The following IRAG1 variants were observed in gnomAD, a reference collection of about 807,000 sequenced individuals.
IRAG1 encodes the protein inositol 1,4,5-triphosphate receptor associated 1, also known as IP3R-associated cGMP kinase substrate.
IRAG1 carries 62 observed loss-of-function variants against 106.2 expected under a neutral mutation model. The ratio of observed to expected loss-of-function variants is 0.58; its 90% CI spans 0.48 to 0.72. The LOEUF is 0.72. Ranked by LOEUF, IRAG1 falls within the 30% of genes least tolerant of loss-of-function variation. The pLI is 0.00. For synonymous variants in IRAG1, 462 were observed against 443.9 expected, an observed-to-expected ratio of 1.04 and a Z score of -0.51; for missense variants, 1,064 against 1,140.7, an observed-to-expected ratio of 0.93 and a Z score of 0.97.
At position 10,627,913 on chromosome 11, in the gene IRAG1, G is replaced by C. The variant is rs989835195; in HGVS notation, c.705+60C>G. The C allele has an allele frequency of 8.3e-6, 13 of 1,575,650 alleles. No individual in the cohort carries two copies. The African/African-American group carries it at 1.1e-4, about 13-fold the overall frequency. ...GGTCACGAAGGGCCTCCTGGTGTTC[G>C]GGGTAAGGGGAGAGACCCATTGGCA... On this transcript the variant is annotated intron_variant, in intron 7 of 20. Transcript: ENST00000423302.
At chr11:10,680,673 C>T (rs372927722) in intron 1 of IRAG1, among the ~76,000 whole-genome samples, 6 of 152,018 alleles carry the variant, frequency 3.9e-5, no homozygotes, top group African/African-American at 7.3e-5. Context: ...CTGGGCTGCC[C>T]GGGTTCATAT....
At chr11:10,604,802 T>C (rs1485187495) in intron 12 of IRAG1, among the ~76,000 whole-genome samples, 3 of 152,200 alleles carry the variant, frequency 2.0e-5, no homozygotes, top group Non-Finnish European at 4.4e-5. Flanking sequence ...AAGAAGAGAA[T>C]AACACTTTGC....
chr11:10,575,000 G>T lies in IRAG1; in HGVS notation c.*1332C>A, dbSNP rs1850746504. ...TGAATTCATACCTATGTAATACTGA[G>T]AACAGTGCTTGGCTCATAGTAAGTC... On this transcript the variant is annotated 3_prime_UTR_variant, in exon 21 of 21. Coordinates refer to ENST00000423302, the MANE Select transcript of IRAG1 (RefSeq NM_130385.4). The T allele has an allele frequency of 6.6e-6, 1 of 151,946 alleles. No homozygotes were observed. The highest frequency in any genetic ancestry group is 1.5e-5 in the Non-Finnish European group (1 of 68,016). 9.4% of individuals were successfully genotyped at this position (151,946 alleles called of 1,614,324 possible). A position where few individuals can be genotyped will look rare whatever the true frequency, so the allele number is the denominator to read the frequency against.
At chr11:10,626,681 G>T in intron 8 of IRAG1, 98 bp from the exon 9 acceptor site, 2 of 1,358,136 alleles carry the variant, frequency 1.5e-6, no homozygotes, top group Non-Finnish European at 2.0e-6. Flanking sequence ...CACACACCTT[G>T]CCAAGGGGCC....
chr11:10,602,918 A>G (rs1854155042), intron 14 of IRAG1, among the ~76,000 whole-genome samples: 6 of 152,224 alleles, frequency 3.9e-5, no homozygotes. Context: ...GTGCGTCCAC[A>G]GAAACCTTTT....
intron 10 of IRAG1, among the ~76,000 whole-genome samples, chr11:10,615,814 AG>A (rs1225764023): frequency 2.0e-5 from 3 of 151,950 alleles, no homozygotes; most frequent in Non-Finnish European, 4.4e-5. Flanking sequence ...GGATAGCATT[AG>A]CAGATATACC....
chr11:10,685,048 C>T (rs939705686), intron 1 of IRAG1, among the ~76,000 whole-genome samples: 1 of 152,178 alleles, frequency 6.6e-6, no homozygotes. Flanking sequence ...GTGACCCACC[C>T]CTCAGAACTT....
rs980601338 is a variant in IRAG1 at position 10,659,371 on chromosome 11, T to C, written c.68-7189A>G. Among the ~76,000 whole-genome samples the C allele has an allele frequency of 6.6e-6, 1 of 152,058 alleles. No individual in the cohort carries two copies. The highest frequency in any genetic ancestry group is 1.5e-5 in the Non-Finnish European group (1 of 67,976). ...GGGAATTGTGCAGGAGCAGGAATGG[T>C]GAAGGGCGGAGATGCAGGGAGAAAG... On this transcript the variant is annotated intron_variant, in intron 1 of 20. Coordinates refer to ENST00000423302, the MANE Select transcript of IRAG1 (RefSeq NM_130385.4). The surrounding 1 kb of genome is among the most constrained non-coding windows in gnomAD (Gnocchi z 4.1).
chr11:10,612,806 GA>G (rs1224862367), intron 10 of IRAG1, among the ~76,000 whole-genome samples: 1 of 151,742 alleles, frequency 6.6e-6, no homozygotes, highest in Non-Finnish European at 1.5e-5. Context: ...AAAATAACCT[GA>G]AAAAAAATTA....
Position 10,625,947 on chromosome 11 carries a change from C to T in IRAG1, c.1368+19G>A, listed in dbSNP as rs1429672847. On this transcript the variant is annotated intron_variant, in intron 9 of 20. Coordinates refer to ENST00000423302, the MANE Select transcript of IRAG1 (RefSeq NM_130385.4). ...TACCTGGAGTACACACTCTGCCCAA[C>T]TGGCCCCCAGGAACCCACCTCTCGG... 3 of 1,458,618 alleles carry T rather than the reference C, an allele frequency of 2.1e-6. No individual in the cohort carries two copies. The highest frequency in any genetic ancestry group is 1.8e-6 in the Non-Finnish European group (2 of 1,104,630). 90.4% of individuals were successfully genotyped at this position (1,458,618 alleles called of 1,614,324 possible).
At chr11:10,691,813 G>A (rs1250185686) in intron 1 of IRAG1, among the ~76,000 whole-genome samples, 2 of 152,200 alleles carry the variant, frequency 1.3e-5, no homozygotes, top group Admixed American at 6.5e-5. Context: ...CCAAGCAGAC[G>A]GGAGCTGACC....
At chr11:10,663,345 G>A (rs1247489386) in intron 1 of IRAG1, among the ~76,000 whole-genome samples, 1 of 152,144 alleles carries the variant, frequency 6.6e-6, no homozygotes, top group Non-Finnish European at 1.5e-5. Flanking sequence ...TCTAGGAAGA[G>A]GTCATCAGGG....
At chr11:10,656,390 C>T (rs144647510) in intron 1 of IRAG1, among the ~76,000 whole-genome samples, 262 of 152,280 alleles carry the variant, frequency 1.7e-3, no homozygotes, top group African/African-American at 5.8e-3. Flanking sequence ...GGTGCAGAAA[C>T]GGAAACAACT....
intron 2 of IRAG1, among the ~76,000 whole-genome samples, chr11:10,651,643 T>G (rs915745049): frequency 6.6e-6 from 1 of 152,266 alleles, no homozygotes; most frequent in Non-Finnish European, 1.5e-5. Flanking sequence ...ATCTCCATTT[T>G]AAGTGGATTC....
chr11:10,651,967 C>T, intron 2 of IRAG1, 58 bp downstream of exon 2: 1 of 1,500,744 alleles, frequency 6.7e-7, no homozygotes, highest in Non-Finnish European at 8.9e-7. Flanking sequence ...GGCCTCAGCC[C>T]AGGGTGCTTG....
chr11:10,580,619 G>A, intron 19 of IRAG1, 30 bp from the exon 20 acceptor site: 2 of 1,609,094 alleles, frequency 1.2e-6, no homozygotes, highest in Non-Finnish European at 1.7e-6. Context: ...AGTTGAGTCT[G>A]GAAAGGGCAG....
intron 18 of IRAG1, 132 bp from the exon 19 acceptor site, chr11:10,582,118 T>G: frequency 8.9e-7 from 1 of 1,126,210 alleles, no homozygotes; most frequent in Non-Finnish European, 1.2e-6. Flanking sequence ...TTCAGATTTT[T>G]TCCCAATCCT....
At chr11:10,593,325 C>T (rs1276690967) in intron 17 of IRAG1, 167 bp downstream of exon 17, 1 of 546,242 alleles carries the variant, frequency 1.8e-6, no homozygotes, top group Non-Finnish European at 3.3e-6. Context: ...ATACATGCAG[C>T]CTGGTGTATA....
chr11:10,589,197 CACTG>C (rs1347279199), intron 18 of IRAG1: 1 of 152,100 alleles, frequency 6.6e-6, no homozygotes, highest in African/African-American at 2.4e-5. Flanking sequence ...CCTGCTTTGT[CACTG>C]TATGCTTAGG....
Sources: allele counts gnomAD v4.1 joint callset (sites outside exome capture counted in the v4.1 genomes callset), GRCh38; gene constraint gnomAD v4.1.1; non-coding constraint Gnocchi (gnomAD v3.1); transcripts MANE v1.5; gene names NCBI Gene and HGNC (gene_info 2026-07-23, HGNC 2026-07-21).